PRKD1: variants seen among roughly 807,000 people sequenced by gnomAD.
PRKD1 encodes the protein protein kinase D1.
In PRKD1, 63 loss-of-function variants were observed where a neutral mutation model predicts 95.9. The observed-to-expected ratio is 0.66, with a 90% CI of 0.54 to 0.81. The LOEUF (loss-of-function observed/expected upper bound fraction) is 0.81. PRKD1 is among the 30% of genes least tolerant of loss of function. The pLI, the probability that PRKD1 is intolerant of heterozygous loss-of-function variation, is 0.00. For synonymous variants in PRKD1, 425 were observed against 423.1 expected (o/e 1.00, Z -0.05); for missense variants, 1,048 against 1,165.3 (o/e 0.90, Z 1.47).
chr14:29,578,029 T>C (rs542549910), intron 17 of PRKD1, among the ~76,000 whole-genome samples: 2 of 152,138 alleles, frequency 1.3e-5, no homozygotes, highest in African/African-American at 4.8e-5. Context: ...TGCCTTTTGG[T>C]TTTGGGCTGT....
intron 4 of PRKD1, among the ~76,000 whole-genome samples, chr14:29,639,624 A>AAAAT (rs1387249358): frequency 3.3e-5 from 5 of 151,480 alleles, no homozygotes; most frequent in African/African-American, 1.2e-4. Flanking sequence ...CATCTCAAAA[A>AAAAT]AAATAAATAA....
At chr14:29,926,638 A>T (rs902035279) in intron 1 of PRKD1, among the ~76,000 whole-genome samples, 1 of 152,154 alleles carries the variant, frequency 6.6e-6, no homozygotes, top group Non-Finnish European at 1.5e-5. Flanking sequence ...GGAATGAAAA[A>T]TAGGAAGGTC....
intron 1 of PRKD1, among the ~76,000 whole-genome samples, chr14:29,825,788 G>A (rs932307139): frequency 6.6e-6 from 1 of 151,932 alleles, no homozygotes; most frequent in Admixed American, 6.6e-5. Flanking sequence ...ACTAAATTAT[G>A]AGAACAAATT....
intron 1 of PRKD1, among the ~76,000 whole-genome samples, chr14:29,815,989 G>A (rs1594544213): frequency 1.3e-5 from 2 of 152,160 alleles, no homozygotes; most frequent in African/African-American, 4.8e-5. Context: ...GGAGGCCGAG[G>A]TGGGCGGATC....
intron 1 of PRKD1, among the ~76,000 whole-genome samples, chr14:29,765,191 T>C (rs1214874187): frequency 6.6e-6 from 1 of 151,928 alleles, no homozygotes; most frequent in Non-Finnish European, 1.5e-5. Context: ...ATCCAGAAGA[T>C]AACAACAAAG....
At chr14:29,875,368 T>A (rs1054675312) in intron 1 of PRKD1, among the ~76,000 whole-genome samples, 7 of 152,172 alleles carry the variant, frequency 4.6e-5, no homozygotes, top group Admixed American at 1.3e-4. Flanking sequence ...ATTGTGCCTA[T>A]GATGCAACTA....
chr14:29,720,784 A>T lies in PRKD1; in HGVS notation c.403+4752T>A, dbSNP rs183902853. 3.1e-3 allele frequency among the ~76,000 whole-genome samples: 471 copies of T among 151,530 alleles called. 1 individual carries two copies. Among genetic ancestry groups the T allele is most frequent in the East Asian group, 8.9e-3 (46 of 5,142 alleles). On this transcript the variant is annotated intron_variant, in intron 2 of 17. Transcript: ENST00000331968. ...GACAGAGCAAGATTCTGTCTCAAAA[A>T]AAATAAATAAATAAATAAATAAATA... is the stretch of plus-strand genomic sequence containing the variant.
At chr14:29,795,753 C>T (rs897641388) in intron 1 of PRKD1, among the ~76,000 whole-genome samples, 4 of 152,028 alleles carry the variant, frequency 2.6e-5, no homozygotes, top group Admixed American at 6.6e-5. Context: ...TTCTGGAATG[C>T]TCATCATTAC....
chr14:29,790,252 T>G (rs1331983109), intron 1 of PRKD1, among the ~76,000 whole-genome samples: 1 of 151,866 alleles, frequency 6.6e-6, no homozygotes. Flanking sequence ...CCTTGTGACC[T>G]GCCCGCCTCA....
chr14:29,619,056 G>A (rs931369718), intron 13 of PRKD1, among the ~76,000 whole-genome samples: 1 of 152,168 alleles, frequency 6.6e-6, no homozygotes, highest in Non-Finnish European at 1.5e-5. Context: ...CAAAGTAGAA[G>A]ATACCAAATG....
At chr14:29,689,186 A>T (rs1336726497) in intron 2 of PRKD1, among the ~76,000 whole-genome samples, 1 of 152,062 alleles carries the variant, frequency 6.6e-6, no homozygotes, top group Non-Finnish European at 1.5e-5. Context: ...CAACCTACAG[A>T]ATGGGAGAAA....
At chr14:29,795,390 T>A (rs550729945) in intron 1 of PRKD1, among the ~76,000 whole-genome samples, 1 of 152,246 alleles carries the variant, frequency 6.6e-6, no homozygotes, top group Admixed American at 6.5e-5. Context: ...TATCTTCCTC[T>A]GTATTCTTAC....
At chr14:29,694,854 C>A (rs2139308119) in intron 2 of PRKD1, among the ~76,000 whole-genome samples, 1 of 152,122 alleles carries the variant, frequency 6.6e-6, no homozygotes, top group South Asian at 2.1e-4. Flanking sequence ...GCACAAAGAC[C>A]AAGAAGTGGG....
intron 1 of PRKD1, among the ~76,000 whole-genome samples, chr14:29,886,437 C>G (rs1392839721): frequency 1.3e-5 from 2 of 152,160 alleles, no homozygotes; most frequent in African/African-American, 4.8e-5. Context: ...TGAAAGGAGC[C>G]AATTCCCACT....
chr14:29,875,951 C>T (rs1334264681), intron 1 of PRKD1, among the ~76,000 whole-genome samples: 1 of 152,178 alleles, frequency 6.6e-6, no homozygotes, highest in Non-Finnish European at 1.5e-5. Flanking sequence ...ATTCGTCAGA[C>T]TATCAGCACT....
intron 4 of PRKD1, chr14:29,656,558 A>C (rs1881852564): frequency 8.7e-6 from 13 of 1,486,906 alleles, no homozygotes; most frequent in African/African-American, 1.4e-5. Context: ...AAAGGAGAAA[A>C]AGACAGGAAA....
At chr14:29,591,973 A>G (rs1337157949) in intron 16 of PRKD1, among the ~76,000 whole-genome samples, 1 of 152,196 alleles carries the variant, frequency 6.6e-6, no homozygotes, top group South Asian at 2.1e-4. Context: ...GTACCTGGTC[A>G]TCTAAAATTA....
chr14:29,821,159 T>C (rs1594548831), intron 1 of PRKD1, among the ~76,000 whole-genome samples: 2 of 152,348 alleles, frequency 1.3e-5, no homozygotes, highest in South Asian at 4.1e-4. Flanking sequence ...AATTTTTACA[T>C]GTTCACAATA....
chr14:29,602,946 C>T (rs1337896436), intron 13 of PRKD1, among the ~76,000 whole-genome samples: 1 of 152,188 alleles, frequency 6.6e-6, no homozygotes, highest in Non-Finnish European at 1.5e-5. Context: ...TCACCGTCAG[C>T]TCTGAAGAGC....
Sources: allele counts gnomAD v4.1 joint callset (sites outside exome capture counted in the v4.1 genomes callset), GRCh38; gene constraint gnomAD v4.1.1; transcripts MANE v1.5; gene names NCBI Gene and HGNC (gene_info 2026-07-23, HGNC 2026-07-21).